Variants in TNRC6B observed in about 807,000 individuals in gnomAD.
TNRC6B encodes the protein trinucleotide repeat-containing gene 6B protein.
TNRC6B carries 52 observed loss-of-function variants against 203.6 expected under a neutral mutation model. The ratio of observed to expected loss-of-function variants is 0.26; its 90% CI spans 0.20 to 0.32. The LOEUF (loss-of-function observed/expected upper bound fraction) is 0.32. Ranked by LOEUF, TNRC6B falls within the 10% of genes least tolerant of loss-of-function variation. The pLI, the probability that TNRC6B is intolerant of heterozygous loss-of-function variation, is 1.00. For missense variants in TNRC6B, 1,923 were observed against 2,286.2 expected, an observed-to-expected ratio of 0.84 and a Z score of 3.24; for synonymous variants, 838 against 845.7, an observed-to-expected ratio of 0.99 and a Z score of 0.16.
At chr22:40,180,090 T>A (rs1034582104) in intron 1 of TNRC6B, among the ~76,000 whole-genome samples, 2 of 152,224 alleles carry the variant, frequency 1.3e-5, no homozygotes, top group Non-Finnish European at 2.9e-5. Context: ...AAGTTGTCTC[T>A]AAATTTTTTT....
chr22:40,245,116 A>G (rs1414842615), intron 1 of TNRC6B, among the ~76,000 whole-genome samples: 4 of 146,542 alleles, frequency 2.7e-5, no homozygotes, highest in African/African-American at 9.8e-5. Context: ...TTTGAGGCGG[A>G]GTCTGGCTCT....
At chr22:40,100,000 C>T (rs943429418) in intron 1 of TNRC6B, among the ~76,000 whole-genome samples, 3 of 152,246 alleles carry the variant, frequency 2.0e-5, no homozygotes, top group South Asian at 2.1e-4. Flanking sequence ...ATCCGCCCAC[C>T]TCGGCCTCCC....
chr22:40,132,969 A>ATATATATATATATATATATATAT (rs1555884686), intron 3 of TNRC6B, among the ~76,000 whole-genome samples: 6 of 78,132 alleles, frequency 7.7e-5, no homozygotes, highest in Non-Finnish European at 1.6e-4. Flanking sequence ...AAAAAAAAAA[A>ATATATATATATATATATATATAT]ATATATATAT....
chr22:40,312,885 G>C lies in TNRC6B; in HGVS notation c.4583-17G>C, dbSNP rs773408539. On this transcript the variant is annotated splice_polypyrimidine_tract_variant and intron_variant, in intron 18 of 22. Transcript: ENST00000454349. ...CATTTATCTTCAGTATTTTCTTCTT[G>C]TTCTTTGTTACCCAAGGGTCTAATT... 3.4e-5 allele frequency: 54 copies of C among 1,608,850 alleles called. No individual in the cohort carries two copies. Among genetic ancestry groups the C allele is most frequent in the Admixed American group, 8.4e-5 (5 of 59,530 alleles).
At chr22:40,158,213 C>G (rs563651008) in intron 4 of TNRC6B, among the ~76,000 whole-genome samples, 2 of 152,112 alleles carry the variant, frequency 1.3e-5, no homozygotes, top group African/African-American at 4.8e-5. Context: ...GTGGCACACG[C>G]CTGTAATCCC....
At chr22:40,295,090 G>A (rs6001867) in intron 12 of TNRC6B, among the ~76,000 whole-genome samples, 23 of 152,354 alleles carry the variant, frequency 1.5e-4, no homozygotes, top group African/African-American at 5.5e-4. Flanking sequence ...GATGGGTGGA[G>A]TGAAAGTGAC....
At chr22:40,155,478 G>T (rs372671920) in intron 3 of TNRC6B, among the ~76,000 whole-genome samples, 1 of 152,096 alleles carries the variant, frequency 6.6e-6, no homozygotes, top group Non-Finnish European at 1.5e-5. Flanking sequence ...TAGTAGAGAC[G>T]GAGTTTCACC....
intron 3 of TNRC6B, among the ~76,000 whole-genome samples, chr22:40,154,630 G>A (rs1252192019): frequency 6.6e-6 from 1 of 150,852 alleles, no homozygotes; most frequent in Non-Finnish European, 1.5e-5. Flanking sequence ...CACGAGATCA[G>A]GAGATCGAGA....
intron 1 of TNRC6B, among the ~76,000 whole-genome samples, chr22:40,074,988 G>C (rs1031788578): frequency 2.6e-5 from 4 of 151,386 alleles, no homozygotes; most frequent in Admixed American, 6.6e-5. Context: ...TAAAACACAT[G>C]CAATTTCAGT....
chr22:40,155,614 A>G (rs1007667040), intron 3 of TNRC6B, among the ~76,000 whole-genome samples: 1 of 152,142 alleles, frequency 6.6e-6, no homozygotes, highest in African/African-American at 2.4e-5. Context: ...AAGTAGCTAT[A>G]CCAGTTTTCC....
rs572960149 is a variant in TNRC6B, at chr22:40,254,886, CA to C, written c.115+3694del. Among the ~76,000 whole-genome samples, 300 of 151,268 alleles carry C rather than the reference CA, an allele frequency of 2.0e-3. 2 individuals are homozygous for C. The highest frequency in any genetic ancestry group is 6.6e-3 in the African/African-American group (272 of 41,184). On this transcript the variant is annotated intron_variant, in intron 3 of 22. Transcript: ENST00000454349. ...GGGACAACAGAGCGAGACTCTGTCTCAAAAAAAACAAAAACAAACAAACCTG... is the reference window on the plus strand; with the variant it reads ...GGGACAACAGAGCGAGACTCTGTCTCAAAAAAACAAAAACAAACAAACCTG...
At chr22:40,186,950 A>G (rs2069212135) in intron 1 of TNRC6B, among the ~76,000 whole-genome samples, 1 of 152,196 alleles carries the variant, frequency 6.6e-6, no homozygotes, top group Non-Finnish European at 1.5e-5. Context: ...TTTTCATTGG[A>G]AATACTTGAT....
At chr22:40,270,372 T>C in intron 6 of TNRC6B, 92 bp downstream of exon 6, 1 of 1,232,060 alleles carries the variant, frequency 8.1e-7, no homozygotes, top group Non-Finnish European at 1.0e-6. Flanking sequence ...CAGGCTGGAG[T>C]GCAGTGGTGC....
upstream of TNRC6B, among the ~76,000 whole-genome samples, chr22:40,175,292 G>A (rs908228535): frequency 9.9e-5 from 15 of 152,062 alleles, no homozygotes. Context: ...AGGAGGTGGA[G>A]GTTCCTGTGA....
intron 1 of TNRC6B, among the ~76,000 whole-genome samples, chr22:40,105,136 G>A (rs1569261782): frequency 6.6e-6 from 1 of 152,220 alleles, no homozygotes; most frequent in Non-Finnish European, 1.5e-5. Context: ...GGGTGGTAAG[G>A]AATGAGACTA....
chr22:40,045,426 C>G (rs2067679446), intron 1 of TNRC6B: 1 of 151,484 alleles, frequency 6.6e-6, no homozygotes, highest in South Asian at 2.1e-4. Flanking sequence ...GCCCGGCCGT[C>G]GAGTTCGCTT....
intron 1 of TNRC6B, among the ~76,000 whole-genome samples, chr22:40,216,569 G>A (rs889085876): frequency 5.3e-5 from 8 of 152,054 alleles, no homozygotes; most frequent in Admixed American, 3.9e-4. Context: ...TCTAGATGGC[G>A]TCACTGCACT....
intron 15 of TNRC6B, 133 bp downstream of exon 15, chr22:40,301,466 A>G (rs1202822168): frequency 7.2e-6 from 7 of 975,962 alleles, no homozygotes; most frequent in Non-Finnish European, 8.9e-6. Context: ...TCCCTGGTTT[A>G]CAGATGAGAC....
intron 1 of TNRC6B, among the ~76,000 whole-genome samples, chr22:40,092,976 G>A (rs991442758): frequency 2.0e-5 from 3 of 152,188 alleles, no homozygotes; most frequent in Admixed American, 2.0e-4. Flanking sequence ...TTTGCAACTG[G>A]TGTATGCCAC....
Sources: gnomAD v4.1 joint callset for allele counts (sites outside exome capture counted in the v4.1 genomes callset) on GRCh38, gnomAD v4.1.1 for gene constraint, MANE v1.5 for transcripts, NCBI Gene and HGNC (gene_info 2026-07-23, HGNC 2026-07-21) for gene names.